NUBPL: variants seen among roughly 807,000 people sequenced by gnomAD.
NUBPL encodes the protein iron-sulfur cluster transfer protein NUBPL.
In NUBPL, 31 loss-of-function variants were observed where a neutral mutation model predicts 45.7. The ratio of observed to expected loss-of-function variants is 0.68; its 90% CI spans 0.51 to 0.92. The LOEUF is 0.92. Ranked by LOEUF, NUBPL falls within the 40% of genes least tolerant of loss-of-function variation. The pLI is 0.00. For missense variants in NUBPL, 401 were observed against 398.7 expected, an observed-to-expected ratio of 1.01 and a Z score of -0.05; for synonymous variants, 144 against 140.9, an observed-to-expected ratio of 1.02 and a Z score of -0.15.
intron 2 of NUBPL, among the ~76,000 whole-genome samples, chr14:31,563,908 G>A (rs180728692): frequency 3.3e-5 from 5 of 152,212 alleles, no homozygotes; most frequent in African/African-American, 9.6e-5. Context: ...GCAATATTTC[G>A]TTTAATCCTG....
chr14:31,826,201 A>G (rs2040100916), intron 7 of NUBPL, among the ~76,000 whole-genome samples: 1 of 151,222 alleles, frequency 6.6e-6, no homozygotes, highest in South Asian at 2.1e-4. Context: ...GCTCACCGCA[A>G]CCTCTGTCTC....
At chr14:31,828,068 C>G (rs745835584) in intron 8 of NUBPL, among the ~76,000 whole-genome samples, 2 of 152,118 alleles carry the variant, frequency 1.3e-5, no homozygotes, top group African/African-American at 2.4e-5. Context: ...TCCAGGTGGT[C>G]CAAGGGTTTT....
rs2040673632 is a variant in NUBPL, at chr14:31,859,209, G to A, written c.*29G>A. The A allele has an allele frequency of 2.5e-6, 4 of 1,587,170 alleles. No individual in the cohort carries two copies. In the East Asian group the frequency reaches 6.7e-5, roughly 27 times the overall value. ...CCCAAGTGTCCTGGAAATTTGCCTG[G>A]TACTGACATTAAGAGGACCTTTGGA... On this transcript the variant is annotated 3_prime_UTR_variant, in exon 11 of 11. Transcript: ENST00000281081.
At chr14:31,742,277 C>CACACAT (rs998724714) in intron 6 of NUBPL, among the ~76,000 whole-genome samples, 4 of 149,264 alleles carry the variant, frequency 2.7e-5, no homozygotes, top group African/African-American at 9.9e-5. Flanking sequence ...CACACACACA[C>CACACAT]ACATCTTCCT....
chr14:31,781,280 A>C (rs1051348505), intron 6 of NUBPL, among the ~76,000 whole-genome samples: 3 of 152,238 alleles, frequency 2.0e-5, no homozygotes, highest in Non-Finnish European at 2.9e-5. Context: ...CTTCCTAAGC[A>C]ATCTTTGTTT....
chr14:31,799,880 C>T (rs1460796424), intron 7 of NUBPL, among the ~76,000 whole-genome samples: 1 of 152,194 alleles, frequency 6.6e-6, no homozygotes, highest in Admixed American at 6.5e-5. Flanking sequence ...GGAAAGATAG[C>T]ATGTGATGCT....
intron 6 of NUBPL, among the ~76,000 whole-genome samples, chr14:31,712,101 G>T (rs1217983733): frequency 6.6e-6 from 1 of 152,214 alleles, no homozygotes; most frequent in Non-Finnish European, 1.5e-5. Flanking sequence ...GCTGCTGGCT[G>T]GGGTGGCCTG....
intron 8 of NUBPL, among the ~76,000 whole-genome samples, chr14:31,841,064 A>G (rs946695985): frequency 6.6e-6 from 1 of 152,192 alleles, no homozygotes; most frequent in Non-Finnish European, 1.5e-5. Context: ...CATTCCATTA[A>G]ATATATCACA....
intron 6 of NUBPL, among the ~76,000 whole-genome samples, chr14:31,731,247 A>G (rs35765178): frequency 0.29 from 44,811 of 152,116 alleles, 7,486 homozygotes; most frequent in South Asian, 0.41. Context: ...CAGAATAAAC[A>G]GTTCACAATG....
At chr14:31,819,305 T>G (rs1444498423) in intron 7 of NUBPL, among the ~76,000 whole-genome samples, 1 of 152,224 alleles carries the variant, frequency 6.6e-6, no homozygotes, top group Non-Finnish European at 1.5e-5. Context: ...TCAGTAGCAC[T>G]AAATATTAAG....
chr14:31,787,157 G>T (rs1381986809), intron 6 of NUBPL, among the ~76,000 whole-genome samples: 1 of 152,140 alleles, frequency 6.6e-6, no homozygotes, highest in Non-Finnish European at 1.5e-5. Flanking sequence ...GACTCAGAAG[G>T]AAGAAGTATC....
chr14:31,816,784 C>G (rs1339876403), intron 7 of NUBPL, among the ~76,000 whole-genome samples: 1 of 152,008 alleles, frequency 6.6e-6, no homozygotes, highest in Non-Finnish European at 1.5e-5. Context: ...AATTTCATTA[C>G]TTACCCAGTA....
intron 4 of NUBPL, among the ~76,000 whole-genome samples, chr14:31,643,392 A>G (rs2035760227): frequency 6.6e-6 from 1 of 152,144 alleles, no homozygotes. Context: ...GCTTTTCAGC[A>G]TGTATTGAAA....
intron 7 of NUBPL, among the ~76,000 whole-genome samples, chr14:31,813,819 AATG>A (rs1402364473): frequency 5.9e-5 from 9 of 152,232 alleles, no homozygotes; most frequent in African/African-American, 1.7e-4. Flanking sequence ...GTTTGCTGAA[AATG>A]ATGATTTCCA....
At chr14:31,568,364 C>T (rs2033493644) in intron 3 of NUBPL, among the ~76,000 whole-genome samples, 1 of 152,192 alleles carries the variant, frequency 6.6e-6, no homozygotes, top group African/African-American at 2.4e-5. Context: ...GTGCAGCTCG[C>T]TGCCAGCACT....
chr14:31,562,857 CT>C (rs1388740169), intron 2 of NUBPL: 2 of 154,192 alleles, frequency 1.3e-5, no homozygotes, highest in African/African-American at 2.4e-5. Flanking sequence ...ATCCGCCCGC[CT>C]AGCCCTCCCA....
chr14:31,799,240 A>AC (rs2039534128), intron 7 of NUBPL, among the ~76,000 whole-genome samples: 1 of 152,128 alleles, frequency 6.6e-6, no homozygotes, highest in Admixed American at 6.6e-5. Context: ...CACACACACA[A>AC]AAAAATCCTT....
At chr14:31,657,700 T>G (rs935919340) in intron 4 of NUBPL, among the ~76,000 whole-genome samples, 2 of 152,208 alleles carry the variant, frequency 1.3e-5, no homozygotes, top group Non-Finnish European at 2.9e-5. Context: ...ATAGATATCT[T>G]TTTCTTATCT....
intron 8 of NUBPL, among the ~76,000 whole-genome samples, chr14:31,833,212 A>G (rs576383742): frequency 6.6e-6 from 1 of 151,998 alleles, no homozygotes; most frequent in Non-Finnish European, 1.5e-5. Context: ...CTTTAAAAGA[A>G]TAAAAAATTA....
Sources: allele counts gnomAD v4.1 joint callset (sites outside exome capture counted in the v4.1 genomes callset), GRCh38; gene constraint gnomAD v4.1.1; transcripts MANE v1.5; gene names NCBI Gene and HGNC (gene_info 2026-07-23, HGNC 2026-07-21).